CYP2R1: variants seen among roughly 807,000 people sequenced by gnomAD.
The protein encoded by CYP2R1 is cytochrome P450 family 2 subfamily R member 1, also known as vitamin D 25-hydroxylase.
A neutral mutation model predicts 45.7 loss-of-function variants in CYP2R1; 40 were observed. That is an observed-to-expected ratio of 0.87 (90% CI 0.68 to 1.14). The LOEUF (loss-of-function observed/expected upper bound fraction) is 1.14, where lower values mean the gene tolerates loss of function less well. Ranked by LOEUF, CYP2R1 falls within the 50% of genes most tolerant of loss-of-function variation. The pLI is 0.00. For synonymous variants in CYP2R1, 234 were observed against 219.3 expected, an observed-to-expected ratio of 1.07 and a Z score of -0.59; for missense variants, 605 against 602.6, an observed-to-expected ratio of 1.00 and a Z score of -0.04.
chr11:14,891,616 A>C, intron 1 of CYP2R1: 1 of 1,069,134 alleles, frequency 9.4e-7, no homozygotes, highest in Non-Finnish European at 1.1e-6. Flanking sequence ...CCGACTCGCA[A>C]GACGCCCGCA....
At position 14,877,843 on chromosome 11, in the gene CYP2R1, C is replaced by G. The variant is rs1555010078; in HGVS notation, c.*279G>C. 2.6e-6 allele frequency: 1 copy of G among 383,342 alleles called. No homozygotes were observed. The highest frequency in any genetic ancestry group is 4.9e-5 in the East Asian group (1 of 20,398). 23.7% of individuals were successfully genotyped at this position (383,342 alleles called of 1,614,324 possible). A position where few individuals can be genotyped will look rare whatever the true frequency, so the allele number is the denominator to read the frequency against. ...ACCTGGTACTAAACAAGATGCTCAG[C>G]TTAGGGCGTCCATGACCCTTCTTAG... On this transcript the variant is annotated 3_prime_UTR_variant, in exon 5 of 5. Coordinates refer to ENST00000334636, the MANE Select transcript of CYP2R1 (RefSeq NM_024514.5).
intron 4 of CYP2R1, among the ~76,000 whole-genome samples, chr11:14,878,870 C>T (rs879965223): frequency 3.9e-5 from 6 of 152,012 alleles, no homozygotes; most frequent in African/African-American, 9.7e-5. Context: ...TTTTGAAAAA[C>T]AGATTTAGAA....
chr11:14,881,626 C>A (rs1761342183), intron 2 of CYP2R1, among the ~76,000 whole-genome samples: 1 of 152,006 alleles, frequency 6.6e-6, no homozygotes, highest in African/African-American at 2.4e-5. Context: ...CTTACAACAT[C>A]CCCTTGGTGA....
Position 14,879,364 on chromosome 11 carries a change from A to T in CYP2R1, c.1080T>A (p.Tyr360Ter). 1 of 1,611,634 alleles carries T rather than the reference A, an allele frequency of 6.2e-7. No individual in the cohort carries two copies. The highest frequency in any genetic ancestry group is 1.3e-5 in the African/African-American group (1 of 75,018). Residue 360 changes from tyrosine (Y) to a stop codon, truncating the protein, a stop_gained, in exon 4 of 5, where the codon TAT (tyrosine) becomes TAA (stop). Coordinates refer to ENST00000334636, the MANE Select transcript of CYP2R1 (RefSeq NM_024514.5). LOFTEE classifies it high-confidence loss of function. ...AAACTTCATGCAAAACTGCCTCAGT[A>T]TAAGGCATTTTGCATTTGTCGTCCC... ...PSWDDKCKMP[Y>*]TEAVLHEVLR...
At chr11:14,883,037 A>T (rs1231186841) in intron 2 of CYP2R1, among the ~76,000 whole-genome samples, 9 of 152,150 alleles carry the variant, frequency 5.9e-5, no homozygotes, top group East Asian at 1.9e-4. Context: ...TAAAAGAGGA[A>T]ACAAACAAAT....
At position 14,878,250 on chromosome 11, in the gene CYP2R1, A is replaced by G. The variant is rs782321028; in HGVS notation, c.1378T>C (p.Leu460=). ...CTCTGAAGCAATGCTGTAAAAAACAAGAACATTTCCATCCGAGCCAAGTGT... is the reference window on the plus strand; with the variant it reads ...CTCTGAAGCAATGCTGTAAAAAACAGGAACATTTCCATCCGAGCCAAGTGT... ...GEHLARMEMF[L]FFTALLQRFH... Residue 460 remains leucine, a synonymous_variant, in exon 5 of 5, where the codon TTG becomes CTG. Transcript: ENST00000334636. 26 of 1,613,200 alleles carry G rather than the reference A, an allele frequency of 1.6e-5. No individual in the cohort carries two copies. The highest frequency in any genetic ancestry group is 1.7e-4 in the Middle Eastern group (1 of 6,052).
intron 2 of CYP2R1, among the ~76,000 whole-genome samples, chr11:14,882,336 A>C (rs1301192403): frequency 1.3e-5 from 2 of 152,178 alleles, no homozygotes; most frequent in Non-Finnish European, 2.9e-5. Flanking sequence ...AGAAGATGAC[A>C]TCTGAGTAAA....
chr11:14,885,860 C>T lies in CYP2R1; in HGVS notation c.283G>A (p.Val95Ile), dbSNP rs1555014336. 2 of 1,613,434 alleles carry T rather than the reference C, an allele frequency of 1.2e-6. No homozygotes were observed. The highest frequency in any genetic ancestry group is 2.2e-5 in the South Asian group (2 of 91,054). ...CTTTGATGAACAAGGCATTCCTTTA[C>T]TACATCATAGCCATTTAGAACCACA... Reference protein sequence around the residue: ...STVVLNGYDVVKECLVHQSEI... With the variant: ...STVVLNGYDVIKECLVHQSEI... The change falls in exon 2 of 5, where the codon GTA (valine) becomes ATA (isoleucine). Residue 95 changes from valine (V) to isoleucine (I), a missense_variant. By Grantham distance (29) the Val-to-Ile change is conservative. Transcript: ENST00000334636.
chr11:14,892,251 G>A, upstream of CYP2R1: 1 of 1,562,056 alleles, frequency 6.4e-7, no homozygotes, highest in Non-Finnish European at 8.7e-7. Context: ...CTGAGACCCA[G>A]GCACTCCCTC....
intron 1 of CYP2R1, chr11:14,891,375 T>C (rs1848849134): frequency 3.0e-6 from 3 of 985,566 alleles, no homozygotes; most frequent in African/African-American, 1.7e-5. Flanking sequence ...ATCTGCGCTG[T>C]AGGACCCCCG....
intron 1 of CYP2R1, 190 bp downstream of exon 1, chr11:14,891,791 G>C (rs1848868147): frequency 1.4e-6 from 2 of 1,406,500 alleles, no homozygotes; most frequent in Non-Finnish European, 1.8e-6. Context: ...GGCTCCCCCT[G>C]CAAGGGGGCA....
intron 4 of CYP2R1, 111 bp downstream of exon 4, chr11:14,879,003 T>C: frequency 2.3e-6 from 2 of 885,188 alleles, no homozygotes; most frequent in Non-Finnish European, 3.6e-6. Flanking sequence ...TCTGTGTTTT[T>C]AGAATTGGGA....
rs1555011963 is a variant in CYP2R1, at chr11:14,880,719, T to A, written c.417A>T (p.Leu139Phe). ...YGRGWVDHRR[L>F]AVNSFRYFGY... Reference sequence around the variant, plus strand: ...CAAAATATCGAAAACTGTTTACAGCTAATCGTCTGTGATCAACCCATCCTC... The same window carrying A: ...CAAAATATCGAAAACTGTTTACAGCAAATCGTCTGTGATCAACCCATCCTC... The change falls in exon 3 of 5, where the codon TTA becomes TTT. Residue 139 changes from leucine to phenylalanine, a missense_variant. Coordinates refer to ENST00000334636, the MANE Select transcript of CYP2R1 (RefSeq NM_024514.5). The A allele has an allele frequency of 6.2e-7, 1 of 1,601,932 alleles. No individual in the cohort carries two copies. The highest frequency in any genetic ancestry group is 8.5e-7 in the Non-Finnish European group (1 of 1,176,706).
chr11:14,891,986 C>T lies in CYP2R1; in HGVS notation c.220G>A (p.Gly74Arg). Residue 74 changes from glycine to arginine, a missense_variant, in exon 1 of 5, where the codon GGA becomes AGA. Gly to Arg is a moderately radical substitution (Grantham distance 125). Coordinates refer to ENST00000334636, the MANE Select transcript of CYP2R1 (RefSeq NM_024514.5). ...GGGGCCCGTCGGGGCTGTACCTCTC[C>T]GTACACCTGGCTCTGCTTTCTCATG... The part of the protein sequence containing the change: ...VYMRKQSQVY[G>R]EIFSLDLGGI... The T allele has an allele frequency of 6.2e-7, 1 of 1,613,190 alleles. No individual in the cohort carries two copies. The highest frequency in any genetic ancestry group is 8.5e-7 in the Non-Finnish European group (1 of 1,179,730).
chr11:14,883,978 GA>G (rs1478842664), intron 2 of CYP2R1, among the ~76,000 whole-genome samples: 2 of 152,032 alleles, frequency 1.3e-5, no homozygotes, highest in Admixed American at 6.5e-5. Context: ...AAACCATAAT[GA>G]GATACCATCT....
At chr11:14,891,867 CG>C in intron 1 of CYP2R1, 113 bp downstream of exon 1, 1 of 1,410,430 alleles carries the variant, frequency 7.1e-7, no homozygotes, top group South Asian at 1.4e-5. Flanking sequence ...AGCCGGCACA[CG>C]GAGAGGTCCC....
At chr11:14,878,917 T>C (rs1190253997) in intron 4 of CYP2R1, among the ~76,000 whole-genome samples, 197 bp downstream of exon 4, 2 of 152,228 alleles carry the variant, frequency 1.3e-5, no homozygotes, top group East Asian at 3.9e-4. Context: ...CTATAGTTAA[T>C]AAATTAAGGC....
At chr11:14,879,030 A>G (rs1763959094) in intron 4 of CYP2R1, 84 bp downstream of exon 4, 2 of 1,086,368 alleles carry the variant, frequency 1.8e-6, no homozygotes, top group African/African-American at 3.1e-5. Flanking sequence ...ATTCTATAGA[A>G]GGATGCTTCA....
In CYP2R1 at chr11:14,891,967, C is replaced by T. The variant is rs781996220; in HGVS notation, c.225+14G>A. 8 of 1,611,362 alleles carry T rather than the reference C, an allele frequency of 5.0e-6. No homozygotes were observed. In the African/African-American group the frequency reaches 8.0e-5, roughly 16 times the overall value. ...CTGGCGGCCCTCCCTGCCCGGGGCC[C>T]GTCGGGGCTGTACCTCTCCGTACAC... On this transcript the variant is annotated intron_variant, in intron 1 of 4. Coordinates refer to ENST00000334636, the MANE Select transcript of CYP2R1 (RefSeq NM_024514.5).
Sources: allele counts gnomAD v4.1 joint callset (sites outside exome capture counted in the v4.1 genomes callset), GRCh38; gene constraint gnomAD v4.1.1; transcripts MANE v1.5; gene names NCBI Gene and HGNC (gene_info 2026-07-23, HGNC 2026-07-21).